PCDH7: variants seen among roughly 807,000 people sequenced by gnomAD.
The protein encoded by PCDH7 is protocadherin-7.
Under a neutral mutation model 58.9 loss-of-function variants are expected in PCDH7, and 17 were observed. The observed-to-expected ratio is 0.29, with a 90% CI of 0.20 to 0.43. The LOEUF is 0.43. PCDH7 is among the 20% of genes least tolerant of loss of function. The pLI, the probability that PCDH7 is intolerant of heterozygous loss-of-function variation, is 1.00. For missense variants in PCDH7, 1,274 were observed against 1,441.0 expected (o/e 0.88, Z 1.88); for synonymous variants, 664 against 616.4 (o/e 1.08, Z -1.14).
chr4:30,789,660 C>G (rs1172449350), intron 1 of PCDH7, among the ~76,000 whole-genome samples: 3 of 151,988 alleles, frequency 2.0e-5, no homozygotes, highest in African/African-American at 7.2e-5. Flanking sequence ...CTTTCAGAAT[C>G]CCAAAGGTGT....
At chr4:30,829,831 G>A (rs1459221667) in intron 1 of PCDH7, among the ~76,000 whole-genome samples, 1 of 151,960 alleles carries the variant, frequency 6.6e-6, no homozygotes, top group East Asian at 1.9e-4. Context: ...AATAGAAGGG[G>A]GATGGAGAGG....
Position 30,723,027 on chromosome 4 carries a change from C to A in PCDH7, c.1605C>A (p.Phe535Leu), listed in dbSNP as rs1560296490. The A allele has an allele frequency of 2.5e-6, 4 of 1,613,890 alleles. No homozygotes were observed. The East Asian group carries it at 8.9e-5, about 36-fold the overall frequency. ...ACACCAACGACAACCCGCCCATGTT[C>A]GGCCAGTCGGTGGTGGAGGTTTACT... The change falls in exon 1 of 2, where the codon TTC (phenylalanine) becomes TTA (leucine). Residue 535 changes from phenylalanine (F) to leucine (L), a missense_variant. Phe to Leu is a conservative substitution (Grantham distance 22). Transcript: ENST00000361762. This position sits in a 1 kb window ranked among gnomAD's most constrained non-coding sequence, Gnocchi z 4.6.
chr4:30,959,427 A>G (rs927392253), intron 3 of PCDH7, among the ~76,000 whole-genome samples: 6 of 152,166 alleles, frequency 3.9e-5, no homozygotes, highest in African/African-American at 1.4e-4. Context: ...TGGATGAATT[A>G]TATCTTTTTA....
At chr4:31,052,525 T>A (rs1431563588) in intron 3 of PCDH7, among the ~76,000 whole-genome samples, 7 of 152,176 alleles carry the variant, frequency 4.6e-5, no homozygotes. Context: ...TATGTCCTTT[T>A]CTTTAAGGAC....
intron 1 of PCDH7, among the ~76,000 whole-genome samples, chr4:30,781,610 G>C (rs1416416705): frequency 6.7e-6 from 1 of 148,964 alleles, no homozygotes; most frequent in Non-Finnish European, 1.5e-5. Flanking sequence ...GATCTTGGCT[G>C]ATTGCAACCT....
intron 3 of PCDH7, among the ~76,000 whole-genome samples, chr4:30,966,138 C>A (rs1189332283): frequency 6.6e-6 from 1 of 152,128 alleles, no homozygotes; most frequent in East Asian, 1.9e-4. Context: ...GGATTCTTGA[C>A]TGCTGCTGGT....
intron 3 of PCDH7, among the ~76,000 whole-genome samples, chr4:31,077,081 A>G (rs535299121): frequency 2.0e-5 from 3 of 152,334 alleles, no homozygotes; most frequent in Non-Finnish European, 4.4e-5. Flanking sequence ...ATATATGTAT[A>G]TACATACACA....
intron 1 of PCDH7, among the ~76,000 whole-genome samples, chr4:30,754,509 G>T (rs1719014665): frequency 6.6e-6 from 1 of 151,964 alleles, no homozygotes; most frequent in Admixed American, 6.6e-5. Context: ...TCCTTAATGT[G>T]AATTAAATTC....
intron 1 of PCDH7, among the ~76,000 whole-genome samples, chr4:30,870,584 A>G (rs895090092): frequency 1.3e-5 from 2 of 152,258 alleles, no homozygotes; most frequent in Non-Finnish European, 2.9e-5. Context: ...GAAGGCTTCT[A>G]TGGAGCTGCA....
intron 3 of PCDH7, among the ~76,000 whole-genome samples, chr4:30,957,867 A>G (rs1032928154): frequency 6.6e-6 from 1 of 152,146 alleles, no homozygotes; most frequent in African/African-American, 2.4e-5. Flanking sequence ...CTTTACTGCT[A>G]ACTCTGCTGG....
chr4:30,753,485 A>C (rs905859676), intron 1 of PCDH7, among the ~76,000 whole-genome samples: 1 of 152,208 alleles, frequency 6.6e-6, no homozygotes, highest in Non-Finnish European at 1.5e-5. Flanking sequence ...GGCAAAAATG[A>C]GTCATTTCTT....
intron 1 of PCDH7, among the ~76,000 whole-genome samples, chr4:30,860,035 A>G (rs1733998932): frequency 6.6e-6 from 1 of 152,168 alleles, no homozygotes; most frequent in African/African-American, 2.4e-5. Flanking sequence ...AAAAATGAGA[A>G]TCAGTCTTTG....
chr4:30,721,722 G>C lies in PCDH7; in HGVS notation c.300G>C (p.Gln100His), dbSNP rs765476814. Residue 100 changes from glutamine (Q) to histidine (H), a missense_variant, in exon 1 of 2, where the codon CAG (glutamine) becomes CAC (histidine). Coordinates refer to ENST00000361762, the Ensembl canonical transcript of PCDH7. This position sits in a 1 kb window ranked among gnomAD's most constrained non-coding sequence, Gnocchi z 6.7. ...ACCGCGAGAAGCTGCCCCAGTGTCA[G>C]ATGATCTTCGACGAGAACGAGTGCT... The C allele has an allele frequency of 1.2e-6, 2 of 1,613,854 alleles. No homozygotes were observed. The highest frequency in any genetic ancestry group is 8.5e-7 in the Non-Finnish European group (1 of 1,180,002).
chr4:30,960,795 G>T (rs894124782), intron 3 of PCDH7, among the ~76,000 whole-genome samples: 3 of 152,064 alleles, frequency 2.0e-5, no homozygotes, highest in African/African-American at 7.2e-5. Flanking sequence ...CTGATGTTAT[G>T]CAATATGAGA....
At chr4:30,818,615 G>A (rs193272047) in intron 1 of PCDH7, among the ~76,000 whole-genome samples, 3 of 152,214 alleles carry the variant, frequency 2.0e-5, no homozygotes, top group Admixed American at 2.0e-4. Context: ...TTGCTCCATA[G>A]AACTGGAAAA....
chr4:30,840,167 G>A (rs1731028277), intron 1 of PCDH7, among the ~76,000 whole-genome samples: 1 of 151,392 alleles, frequency 6.6e-6, no homozygotes, highest in South Asian at 2.1e-4. Context: ...TTAATCTAAT[G>A]TCCTTATCTG....
intron 3 of PCDH7, among the ~76,000 whole-genome samples, chr4:31,018,726 G>A (rs1184549909): frequency 6.6e-6 from 1 of 152,186 alleles, no homozygotes; most frequent in African/African-American, 2.4e-5. Flanking sequence ...AGAAATTGAG[G>A]CAGCTGTTTG....
At chr4:31,020,384 A>G (rs1234862268) in intron 3 of PCDH7, among the ~76,000 whole-genome samples, 1 of 152,172 alleles carries the variant, frequency 6.6e-6, no homozygotes, top group East Asian at 1.9e-4. Context: ...GCGCGTGCAC[A>G]TGCACGTTCA....
At chr4:31,083,592 G>A (rs1320404913) in intron 3 of PCDH7, among the ~76,000 whole-genome samples, 3 of 152,276 alleles carry the variant, frequency 2.0e-5, no homozygotes, top group Admixed American at 6.5e-5. Context: ...AAAGGATTAC[G>A]TTCTTAATCT....
Sources: gnomAD v4.1 joint callset for allele counts (sites outside exome capture counted in the v4.1 genomes callset) on GRCh38, gnomAD v4.1.1 for gene constraint, Gnocchi (gnomAD v3.1) non-coding constraint, MANE v1.5 for transcripts, NCBI Gene and HGNC (gene_info 2026-07-23, HGNC 2026-07-21) for gene names.